The following TAF3 variants were observed in gnomAD, a reference collection of about 807,000 sequenced individuals.
The protein encoded by TAF3 is transcription initiation factor TFIID subunit 3.
TAF3 carries 7 observed loss-of-function variants against 80.6 expected under a neutral mutation model. The observed-to-expected ratio is 0.09, with a 90% CI of 0.05 to 0.16. The LOEUF is 0.16. TAF3 is among the 10% of genes least tolerant of loss of function. TAF3 has a pLI of 1.00. For synonymous variants in TAF3, 444 were observed against 446.1 expected (o/e 1.00, Z 0.06); for missense variants, 921 against 1,140.2 (o/e 0.81, Z 2.77).
At chr10:7,989,215 G>T (rs1311865424) in intron 4 of TAF3, among the ~76,000 whole-genome samples, 4 of 152,162 alleles carry the variant, frequency 2.6e-5, no homozygotes, top group African/African-American at 9.7e-5. Context: ...AGACACGGTG[G>T]CTCTGATTGG....
chr10:7,845,849 T>A (rs554172816), intron 2 of TAF3, among the ~76,000 whole-genome samples: 1 of 152,334 alleles, frequency 6.6e-6, no homozygotes, highest in African/African-American at 2.4e-5. Flanking sequence ...GTTTTTAATT[T>A]TTATTTCTAT....
At chr10:7,885,269 CA>C (rs1837399150) in intron 2 of TAF3, among the ~76,000 whole-genome samples, 2 of 151,720 alleles carry the variant, frequency 1.3e-5, no homozygotes, top group South Asian at 2.1e-4. Context: ...CACACACACA[CA>C]CACCCCCACA....
intron 2 of TAF3, among the ~76,000 whole-genome samples, chr10:7,886,212 A>T (rs532681038): frequency 6.6e-6 from 1 of 152,104 alleles, no homozygotes; most frequent in South Asian, 2.1e-4. Context: ...TACAGGTGTA[A>T]GACACCACAC....
chr10:7,995,429 T>C (rs180990706), intron 4 of TAF3, among the ~76,000 whole-genome samples: 1 of 152,360 alleles, frequency 6.6e-6, no homozygotes, highest in African/African-American at 2.4e-5. Flanking sequence ...CTCCTTATTC[T>C]ATAGGTTGCC....
At chr10:7,959,679 A>G (rs1319636045) in intron 2 of TAF3, among the ~76,000 whole-genome samples, 1 of 152,220 alleles carries the variant, frequency 6.6e-6, no homozygotes, top group Non-Finnish European at 1.5e-5. Context: ...TATATTTTCT[A>G]AAGTAGTTGT....
chr10:7,884,330 G>T (rs944144089), intron 2 of TAF3, among the ~76,000 whole-genome samples: 1 of 151,344 alleles, frequency 6.6e-6, no homozygotes, highest in Non-Finnish European at 1.5e-5. Flanking sequence ...GATGATCTAG[G>T]CTCTTCTTGT....
At chr10:7,850,390 T>G (rs1837015310) in intron 2 of TAF3, among the ~76,000 whole-genome samples, 1 of 152,052 alleles carries the variant, frequency 6.6e-6, no homozygotes, top group African/African-American at 2.4e-5. Flanking sequence ...CTAATACTAT[T>G]TAAGGCTGGG....
intron 2 of TAF3, among the ~76,000 whole-genome samples, chr10:7,825,012 G>GT (rs1836726968): frequency 1.3e-5 from 2 of 152,180 alleles, no homozygotes; most frequent in African/African-American, 2.4e-5. Context: ...GTAGACTTCT[G>GT]TTTTTTATCA....
chr10:7,830,302 T>A, intron 2 of TAF3, among the ~76,000 whole-genome samples: 1 of 151,606 alleles, frequency 6.6e-6, no homozygotes, highest in Non-Finnish European at 1.5e-5. Flanking sequence ...ATAGCTTCTA[T>A]GTGCCCAACC....
chr10:7,934,101 A>G (rs1463576714), intron 2 of TAF3, among the ~76,000 whole-genome samples: 1 of 152,242 alleles, frequency 6.6e-6, no homozygotes. Flanking sequence ...CAAGGCATGA[A>G]TTCTGACAAC....
chr10:7,918,920 A>ACTCAC (rs891013132), intron 2 of TAF3, among the ~76,000 whole-genome samples: 1 of 152,098 alleles, frequency 6.6e-6, no homozygotes, highest in Non-Finnish European at 1.5e-5. Flanking sequence ...GCAAGGAGGC[A>ACTCAC]CTCACCTCAC....
At chr10:7,923,616 C>G (rs902900037) in intron 2 of TAF3, among the ~76,000 whole-genome samples, 8 of 151,378 alleles carry the variant, frequency 5.3e-5, no homozygotes, top group Non-Finnish European at 1.2e-4. Flanking sequence ...AAAAAAACCC[C>G]TCCCCCAACA....
intron 2 of TAF3, among the ~76,000 whole-genome samples, chr10:7,925,460 C>T (rs1837805504): frequency 6.6e-6 from 1 of 152,164 alleles, no homozygotes; most frequent in Non-Finnish European, 1.5e-5. Flanking sequence ...TGGAGTGCTT[C>T]TTGTCTGACT....
At chr10:7,993,755 A>T (rs1448206990) in intron 4 of TAF3, among the ~76,000 whole-genome samples, 3 of 151,840 alleles carry the variant, frequency 2.0e-5, no homozygotes, top group Non-Finnish European at 4.4e-5. Context: ...GAATGATTTC[A>T]TTGGGAAATT....
intron 2 of TAF3, among the ~76,000 whole-genome samples, chr10:7,859,452 T>C (rs113700540): frequency 2.6e-5 from 4 of 152,156 alleles, no homozygotes; most frequent in African/African-American, 7.2e-5. Flanking sequence ...CCATTCCAGA[T>C]TGGGGGAGAA....
chr10:7,885,055 C>T (rs936876297), intron 2 of TAF3, among the ~76,000 whole-genome samples: 3 of 151,112 alleles, frequency 2.0e-5, no homozygotes, highest in Non-Finnish European at 4.4e-5. Context: ...TCACAAGATA[C>T]TTGGAAGGGC....
intron 2 of TAF3, among the ~76,000 whole-genome samples, chr10:7,844,445 C>T (rs1390957604): frequency 2.0e-5 from 3 of 149,310 alleles, no homozygotes; most frequent in Middle Eastern, 6.9e-3. Context: ...GGCGCGATCT[C>T]GGCTCACTGC....
rs185392950 is a variant in TAF3, at chr10:7,964,396, G to A, written c.886G>A (p.Gly296Arg). The change falls in exon 3 of 7, where the codon GGA (glycine) becomes AGA (arginine). Residue 296 changes from glycine to arginine, a missense_variant. Transcript: ENST00000344293. The surrounding 1 kb of genome is among the most constrained non-coding windows in gnomAD (Gnocchi z 4.1). ...PKTAQSPAMV[G>R]SPIRSPKTVS... ...AACCGCCCAGTCACCAGCAATGGTC[G>A]GAAGTCCTATTCGATCACCAAAAAC... 1.6e-5 allele frequency: 26 copies of A among 1,614,012 alleles called. No individual in the cohort carries two copies. The highest frequency in any genetic ancestry group is 6.7e-5 in the Admixed American group (4 of 60,014).
intron 2 of TAF3, among the ~76,000 whole-genome samples, chr10:7,956,073 T>C (rs1838132541): frequency 6.6e-6 from 1 of 152,188 alleles, no homozygotes; most frequent in Non-Finnish European, 1.5e-5. Context: ...AATTAGGTAA[T>C]TATATTAATA....
Sources: allele counts gnomAD v4.1 joint callset (sites outside exome capture counted in the v4.1 genomes callset), GRCh38; gene constraint gnomAD v4.1.1; non-coding constraint Gnocchi (gnomAD v3.1); transcripts MANE v1.5; gene names NCBI Gene and HGNC (gene_info 2026-07-23, HGNC 2026-07-21).